ROR1: variants seen among roughly 807,000 people sequenced by gnomAD.
ROR1 encodes the protein ROR family WNT receptor 1.
In ROR1, 19 loss-of-function variants were observed where a neutral mutation model predicts 78.8. That is an observed-to-expected ratio of 0.24 (90% CI 0.17 to 0.35). The LOEUF (loss-of-function observed/expected upper bound fraction) is 0.35, where lower values mean the gene tolerates loss of function less well. Among genes scored for constraint, ROR1 ranks in the 10% least tolerant of loss-of-function variants. ROR1 has a pLI of 1.00. For missense variants in ROR1, 917 were observed against 1,177.8 expected, an observed-to-expected ratio of 0.78 and a Z score of 3.24; for synonymous variants, 386 against 433.6, an observed-to-expected ratio of 0.89 and a Z score of 1.36.
At chr1:63,816,798 A>G (rs554324297) in intron 1 of ROR1, among the ~76,000 whole-genome samples, 53 of 152,266 alleles carry the variant, frequency 3.5e-4, no homozygotes, top group African/African-American at 1.2e-3. Flanking sequence ...GAATAAGAGC[A>G]CCTGTTTTAT....
chr1:63,851,973 A>G (rs565643771), intron 1 of ROR1, among the ~76,000 whole-genome samples: 58 of 152,398 alleles, frequency 3.8e-4, no homozygotes, highest in African/African-American at 1.4e-3. Flanking sequence ...AGCTTCGCTC[A>G]TTGGATTTTA....
intron 8 of ROR1, among the ~76,000 whole-genome samples, chr1:64,166,623 G>T (rs1215892196): frequency 1.3e-5 from 2 of 152,214 alleles, no homozygotes; most frequent in African/African-American, 2.4e-5. Flanking sequence ...ATAGGATACT[G>T]TGGGCTGGGG....
intron 4 of ROR1, among the ~76,000 whole-genome samples, chr1:64,062,460 C>T (rs1481891808): frequency 1.3e-5 from 2 of 152,048 alleles, no homozygotes. Flanking sequence ...TACAGGCGCC[C>T]GCCACCATGC....
intron 1 of ROR1, among the ~76,000 whole-genome samples, chr1:63,844,405 G>A (rs926700526): frequency 2.6e-5 from 4 of 152,214 alleles, no homozygotes; most frequent in Non-Finnish European, 2.9e-5. Flanking sequence ...TGCATGTGTC[G>A]GCCATTGAGC....
At chr1:64,041,253 A>G (rs888824326) in intron 2 of ROR1, among the ~76,000 whole-genome samples, 1 of 152,170 alleles carries the variant, frequency 6.6e-6, no homozygotes, top group Admixed American at 6.6e-5. Context: ...GCCTGATAGA[A>G]TCAGTGCCTA....
intron 2 of ROR1, among the ~76,000 whole-genome samples, chr1:64,012,743 T>C (rs934860549): frequency 6.6e-6 from 1 of 152,160 alleles, no homozygotes; most frequent in African/African-American, 2.4e-5. Context: ...AGAGTATATA[T>C]GTTTAAAACG....
chr1:63,781,240 A>G (rs941267113), intron 1 of ROR1, among the ~76,000 whole-genome samples: 1 of 152,206 alleles, frequency 6.6e-6, no homozygotes, highest in African/African-American at 2.4e-5. Flanking sequence ...TCAAGGAGAG[A>G]GGAGAAAAAT....
chr1:64,061,310 CAGTCA>C (rs1046199884), intron 4 of ROR1, among the ~76,000 whole-genome samples: 6 of 152,090 alleles, frequency 3.9e-5, no homozygotes, highest in Admixed American at 3.9e-4. Context: ...GGAACAAAAC[CAGTCA>C]AAAGTCCTCA....
At chr1:63,903,224 A>T (rs888553892) in intron 1 of ROR1, among the ~76,000 whole-genome samples, 2 of 152,140 alleles carry the variant, frequency 1.3e-5, no homozygotes, top group African/African-American at 4.8e-5. Flanking sequence ...AAATAAACTT[A>T]ATCGGCAGTT....
At chr1:63,826,894 T>A (rs898544934) in intron 1 of ROR1, among the ~76,000 whole-genome samples, 2 of 152,140 alleles carry the variant, frequency 1.3e-5, no homozygotes, top group Non-Finnish European at 2.9e-5. Context: ...ATTTTTCTAA[T>A]GATCAGTGAT....
intron 8 of ROR1, among the ~76,000 whole-genome samples, chr1:64,177,143 G>A (rs1650404337): frequency 6.6e-6 from 1 of 152,250 alleles, no homozygotes; most frequent in African/African-American, 2.4e-5. Context: ...GGGTGATGCT[G>A]ATGTTGCTGG....
chr1:63,972,095 C>T (rs1257870135), intron 1 of ROR1, among the ~76,000 whole-genome samples: 1 of 152,194 alleles, frequency 6.6e-6, no homozygotes, highest in Non-Finnish European at 1.5e-5. Context: ...TCTTAGCACT[C>T]TACTGGCTGT....
At chr1:64,001,106 TG>T (rs1646379361) in intron 1 of ROR1, among the ~76,000 whole-genome samples, 1 of 152,198 alleles carries the variant, frequency 6.6e-6, no homozygotes, top group Non-Finnish European at 1.5e-5. Flanking sequence ...TTGCAGCGAA[TG>T]GTTAAACAAA....
chr1:64,110,624 C>T (rs1203460424), intron 4 of ROR1: 1 of 152,020 alleles, frequency 6.6e-6, no homozygotes, highest in African/African-American at 2.4e-5. Flanking sequence ...TCACAAGGGT[C>T]TCTTAAATCA....
intron 1 of ROR1, among the ~76,000 whole-genome samples, chr1:63,947,846 A>G (rs1467301114): frequency 1.3e-5 from 2 of 152,196 alleles, no homozygotes; most frequent in Non-Finnish European, 2.9e-5. Context: ...TTAGGATTTC[A>G]TATTAGGAGA....
intron 2 of ROR1, among the ~76,000 whole-genome samples, chr1:64,025,575 A>C (rs1646601402): frequency 3.3e-5 from 5 of 152,014 alleles, no homozygotes; most frequent in African/African-American, 7.2e-5. Flanking sequence ...GTGTATAAAG[A>C]AATTGTGAGA....
intron 1 of ROR1, among the ~76,000 whole-genome samples, chr1:63,910,833 G>A (rs1309700355): frequency 2.0e-5 from 3 of 152,170 alleles, no homozygotes; most frequent in South Asian, 4.1e-4. Context: ...CAACAAGGAC[G>A]TGCATCCAGC....
intron 1 of ROR1, among the ~76,000 whole-genome samples, chr1:63,879,063 A>G (rs977544005): frequency 8.5e-5 from 13 of 152,168 alleles, no homozygotes; most frequent in Non-Finnish European, 1.8e-4. Flanking sequence ...GGAGAGATAG[A>G]AGCCCCAGAA....
rs72683030 is a variant in ROR1, at chr1:63,789,424, G to A, written c.91+14916G>A. On this transcript the variant is annotated intron_variant, in intron 1 of 8. Coordinates refer to ENST00000371079, the MANE Select transcript of ROR1 (RefSeq NM_005012.4). ...ACACCTGAGCACTGCCTGCTGTCGG[G>A]ACTGGGCACTGCCTAAGACAATGAT... is the stretch of plus-strand genomic sequence containing the variant. 2,285 of 317,900 alleles carry A rather than the reference G, an allele frequency of 7.2e-3. 23 individuals carry two copies. Among genetic ancestry groups the A allele is most frequent in the Middle Eastern group, 0.02 (21 of 1,042 alleles). The allele number at this position is 317,900 out of a possible 1,614,324, so 19.7% of individuals were successfully genotyped here. A position where few individuals can be genotyped will look rare whatever the true frequency, so the allele number is the denominator to read the frequency against.
Sources: allele counts gnomAD v4.1 joint callset (sites outside exome capture counted in the v4.1 genomes callset), GRCh38; gene constraint gnomAD v4.1.1; transcripts MANE v1.5; gene names NCBI Gene and HGNC (gene_info 2026-07-23, HGNC 2026-07-21).